Variants in NKAIN2 observed in about 807,000 individuals in gnomAD.
NKAIN2 encodes sodium/potassium transporting ATPase interacting 2.
NKAIN2 carries 14 observed loss-of-function variants against 32.6 expected under a neutral mutation model. The ratio of observed to expected loss-of-function variants is 0.43; its 90% CI spans 0.28 to 0.67. The LOEUF (loss-of-function observed/expected upper bound fraction) is 0.67, where lower values mean the gene tolerates loss of function less well. NKAIN2 is among the 30% of genes least tolerant of loss of function. The pLI is 0.17. For missense variants in NKAIN2, 198 were observed against 258.3 expected, an observed-to-expected ratio of 0.77 and a Z score of 1.60; for synonymous variants, 80 against 87.2, an observed-to-expected ratio of 0.92 and a Z score of 0.46.
chr6:124,666,410 G>T (rs1239962818), intron 4 of NKAIN2, among the ~76,000 whole-genome samples: 2 of 152,114 alleles, frequency 1.3e-5, no homozygotes, highest in Non-Finnish European at 2.9e-5. Flanking sequence ...TCAGAACCTT[G>T]ACTGGATCCA....
chr6:124,426,743 C>T (rs1402616993), intron 3 of NKAIN2, among the ~76,000 whole-genome samples: 1 of 152,092 alleles, frequency 6.6e-6, no homozygotes, highest in Admixed American at 6.6e-5. Flanking sequence ...TCCCATAATT[C>T]CCACATGTTC....
At chr6:123,871,314 A>G (rs916895434) in intron 1 of NKAIN2, among the ~76,000 whole-genome samples, 1 of 152,030 alleles carries the variant, frequency 6.6e-6, no homozygotes, top group African/African-American at 2.4e-5. Flanking sequence ...TTCATCCCCA[A>G]AATTCTCCCT....
intron 1 of NKAIN2, among the ~76,000 whole-genome samples, chr6:124,172,640 A>G (rs1788952813): frequency 6.6e-6 from 1 of 152,160 alleles, no homozygotes; most frequent in Non-Finnish European, 1.5e-5. Flanking sequence ...AGGAAGTAAA[A>G]AAGTTCCAAA....
intron 2 of NKAIN2, among the ~76,000 whole-genome samples, chr6:124,327,730 GTTATAC>G (rs1225357313): frequency 3.3e-5 from 5 of 152,060 alleles, no homozygotes; most frequent in African/African-American, 7.2e-5. Flanking sequence ...ATTATTTTGT[GTTATAC>G]TTATAGAGGT....
chr6:124,424,033 G>T (rs332638), intron 3 of NKAIN2, among the ~76,000 whole-genome samples: 24,501 of 151,932 alleles, frequency 0.16, 2,270 homozygotes, highest in East Asian at 0.24. Context: ...TGGCTCTGTT[G>T]CCCAGGCTGG....
Position 124,269,405 on chromosome 6 carries a change from T to C in NKAIN2, c.55-13600T>C, listed in dbSNP as rs1198281649. On this transcript the variant is annotated intron_variant, in intron 1 of 6. Transcript: ENST00000368417. ...TGCAGCCATCTGAAATGATATTCTC[T>C]TGTAGTTCTGGTGGCAATTTCTTTT... Among the ~76,000 whole-genome samples the C allele has an allele frequency of 2.0e-5, 3 of 152,078 alleles. No homozygotes were observed. The East Asian group carries it at 5.8e-4, about 29-fold the overall frequency.
chr6:123,879,378 G>A (rs1233439196), intron 1 of NKAIN2, among the ~76,000 whole-genome samples: 1 of 152,192 alleles, frequency 6.6e-6, no homozygotes, highest in Non-Finnish European at 1.5e-5. Flanking sequence ...TGTCCTGTAT[G>A]TCCTGGCCCA....
intron 1 of NKAIN2, among the ~76,000 whole-genome samples, chr6:123,811,718 C>T (rs1335630573): frequency 6.6e-6 from 1 of 151,986 alleles, no homozygotes; most frequent in African/African-American, 2.4e-5. Flanking sequence ...TCAGAACAGT[C>T]CATCTAGTGA....
Position 124,151,383 on chromosome 6 carries a change from A to AT in NKAIN2, c.55-131618dup, listed in dbSNP as rs937711868. On this transcript the variant is annotated intron_variant, in intron 1 of 6. Transcript: ENST00000368417. ...ACGTCCCATATCAAGATTCACAGTT[A>AT]TTTTAGATCCTCCTTTCTCCCTTCC... Among the ~76,000 whole-genome samples the AT allele has an allele frequency of 6.6e-5, 10 of 152,136 alleles. No individual in the cohort carries two copies. The South Asian group carries it at 1.9e-3, about 28-fold the overall frequency.
chr6:123,824,211 A>G (rs562590231), intron 1 of NKAIN2, among the ~76,000 whole-genome samples: 3 of 152,258 alleles, frequency 2.0e-5, no homozygotes, highest in South Asian at 2.1e-4. Context: ...GGTTCCAGAC[A>G]GACGGATCTC....
chr6:124,154,222 A>G (rs1787869854), intron 1 of NKAIN2, among the ~76,000 whole-genome samples: 1 of 151,980 alleles, frequency 6.6e-6, no homozygotes, highest in East Asian at 1.9e-4. Flanking sequence ...TACGAAGTAT[A>G]AAATGTTTAC....
At chr6:124,001,586 A>T (rs1337538600) in intron 1 of NKAIN2, among the ~76,000 whole-genome samples, 1 of 151,824 alleles carries the variant, frequency 6.6e-6, no homozygotes, top group Non-Finnish European at 1.5e-5. Context: ...TACTCCATTA[A>T]TGTTACAACT....
chr6:124,345,606 T>A (rs1481801824), intron 2 of NKAIN2, among the ~76,000 whole-genome samples: 1 of 151,964 alleles, frequency 6.6e-6, no homozygotes, highest in Non-Finnish European at 1.5e-5. Flanking sequence ...TTCTAGATTT[T>A]CTAGTTTATT....
At chr6:123,858,880 G>A (rs1313520125) in intron 1 of NKAIN2, among the ~76,000 whole-genome samples, 4 of 152,138 alleles carry the variant, frequency 2.6e-5, no homozygotes, top group Admixed American at 6.6e-5. Context: ...TGGATCTGAG[G>A]ACACCAAATG....
chr6:124,413,923 C>A (rs1187462355), intron 3 of NKAIN2, among the ~76,000 whole-genome samples: 1 of 151,946 alleles, frequency 6.6e-6, no homozygotes, highest in African/African-American at 2.4e-5. Context: ...TCCAGAAGCA[C>A]TTTTTGTAGA....
intron 3 of NKAIN2, among the ~76,000 whole-genome samples, chr6:124,516,539 A>G (rs541477668): frequency 6.6e-6 from 1 of 152,280 alleles, no homozygotes; most frequent in African/African-American, 2.4e-5. Context: ...AAGATTGTAA[A>G]ATCACAAAGT....
chr6:124,130,845 G>T (rs1786436880), intron 1 of NKAIN2, among the ~76,000 whole-genome samples: 1 of 152,118 alleles, frequency 6.6e-6, no homozygotes, highest in South Asian at 2.1e-4. Flanking sequence ...ATAGAAAGTG[G>T]ATATAGGGGA....
chr6:124,788,246 AGTCTTGATT>A (rs752110100), intron 4 of NKAIN2, among the ~76,000 whole-genome samples: 28 of 152,104 alleles, frequency 1.8e-4, no homozygotes, highest in Non-Finnish European at 3.8e-4. Flanking sequence ...AATTGTTGAC[AGTCTTGATT>A]GTAGGATGTT....
At chr6:123,968,940 T>A (rs1562283341) in intron 1 of NKAIN2, among the ~76,000 whole-genome samples, 1 of 152,172 alleles carries the variant, frequency 6.6e-6, no homozygotes, top group Non-Finnish European at 1.5e-5. Context: ...CCCCCTCCTC[T>A]GGGCCATGAG....
Sources: gnomAD v4.1 joint callset for allele counts (sites outside exome capture counted in the v4.1 genomes callset) on GRCh38, gnomAD v4.1.1 for gene constraint, MANE v1.5 for transcripts, NCBI Gene and HGNC (gene_info 2026-07-23, HGNC 2026-07-21) for gene names.